PTPRK: variants seen among roughly 807,000 people sequenced by gnomAD.
PTPRK encodes the protein protein tyrosine phosphatase receptor type K, also known as receptor-type tyrosine-protein phosphatase kappa.
Under a neutral mutation model 178.0 loss-of-function variants are expected in PTPRK, and 75 were observed. That is an observed-to-expected ratio of 0.42 (90% CI 0.35 to 0.51). The LOEUF is 0.51. PTPRK is among the 20% of genes least tolerant of loss of function. PTPRK has a pLI of 0.02. For synonymous variants in PTPRK, 637 were observed against 620.6 expected, an observed-to-expected ratio of 1.03 and a Z score of -0.39; for missense variants, 1,441 against 1,797.8, an observed-to-expected ratio of 0.80 and a Z score of 3.59.
chr6:128,347,494 T>C (rs944957177), intron 2 of PTPRK, among the ~76,000 whole-genome samples: 2 of 152,148 alleles, frequency 1.3e-5, no homozygotes, highest in African/African-American at 4.8e-5. Flanking sequence ...TGTGATATGT[T>C]GATTTTTTTT....
At chr6:128,445,542 T>C (rs1846897169) in intron 1 of PTPRK, among the ~76,000 whole-genome samples, 1 of 150,832 alleles carries the variant, frequency 6.6e-6, no homozygotes, top group South Asian at 2.1e-4. Flanking sequence ...TATATATACT[T>C]ACATATATAC....
At chr6:128,483,375 C>T (rs1852354895) in intron 1 of PTPRK, among the ~76,000 whole-genome samples, 1 of 151,952 alleles carries the variant, frequency 6.6e-6, no homozygotes, top group African/African-American at 2.4e-5. Context: ...TTTACATCTG[C>T]TACTTTGTGT....
intron 1 of PTPRK, among the ~76,000 whole-genome samples, chr6:128,516,128 G>A (rs541537104): frequency 9.2e-5 from 14 of 152,282 alleles, no homozygotes; most frequent in Admixed American, 5.2e-4. Flanking sequence ...AAAAACAAAA[G>A]GGCTGTGATC....
chr6:128,302,164 G>A (rs113491764), intron 3 of PTPRK, among the ~76,000 whole-genome samples: 1,904 of 152,034 alleles, frequency 0.013, 38 homozygotes, highest in African/African-American at 0.044. Context: ...CGGGGTGGGC[G>A]GATCACGAGG....
At chr6:128,496,045 G>T (rs892838560) in intron 1 of PTPRK, among the ~76,000 whole-genome samples, 1 of 152,052 alleles carries the variant, frequency 6.6e-6, no homozygotes, top group African/African-American at 2.4e-5. Flanking sequence ...CCAAACTTAG[G>T]ATTACATATT....
At chr6:128,158,059 T>C (rs1043767723) in intron 7 of PTPRK, among the ~76,000 whole-genome samples, 4 of 152,046 alleles carry the variant, frequency 2.6e-5, no homozygotes, top group African/African-American at 7.2e-5. Context: ...CTAGGGTTTT[T>C]ATGGTTTTAG....
intron 1 of PTPRK, among the ~76,000 whole-genome samples, chr6:128,496,358 T>C (rs894349656): frequency 2.0e-5 from 3 of 152,214 alleles, no homozygotes; most frequent in East Asian, 1.9e-4. Flanking sequence ...AAGTAGAGAA[T>C]AGAGAATAAT....
chr6:127,987,221 T>C (rs1365460164), intron 21 of PTPRK, among the ~76,000 whole-genome samples: 2 of 151,068 alleles, frequency 1.3e-5, no homozygotes, highest in Non-Finnish European at 2.9e-5. Context: ...TGAATGATTT[T>C]CAAATATGTG....
rs368234113 is a variant in PTPRK at position 128,247,413 on chromosome 6, A to G, written c.496-4811T>C. Among the ~76,000 whole-genome samples, 6 of 152,218 alleles carry G rather than the reference A, an allele frequency of 3.9e-5. No individual in the cohort carries two copies. The East Asian group carries it at 1.2e-3, about 29-fold the overall frequency. ...GGGCTCACCCTAACCTCTGCCTCCC[A>G]GGTTCAAACAATTCTCGTGCTTCAG... On this transcript the variant is annotated intron_variant, in intron 3 of 29. Transcript: ENST00000368226.
intron 2 of PTPRK, among the ~76,000 whole-genome samples, chr6:128,366,507 T>C (rs561631753): frequency 2.0e-5 from 3 of 152,254 alleles, no homozygotes; most frequent in Non-Finnish European, 2.9e-5. Context: ...TACCAAGTAC[T>C]GGACTAAAGG....
At chr6:128,338,694 T>C (rs142879143) in intron 2 of PTPRK, among the ~76,000 whole-genome samples, 1,961 of 152,270 alleles carry the variant, frequency 0.013, 19 homozygotes, top group Non-Finnish European at 0.018. Flanking sequence ...GAAATCTTTA[T>C]GCTGCCTCCT....
At chr6:128,491,155 T>C (rs1400947132) in intron 1 of PTPRK, among the ~76,000 whole-genome samples, 1 of 152,196 alleles carries the variant, frequency 6.6e-6, no homozygotes, top group Non-Finnish European at 1.5e-5. Flanking sequence ...GGAAGTTCTA[T>C]ATAAATGCTT....
rs1803807746 is a variant in PTPRK at position 128,191,647 on chromosome 6, AT to A, written c.869-6923del. 2.6e-5 allele frequency among the ~76,000 whole-genome samples: 4 copies of A among 152,224 alleles called. No individual in the cohort carries two copies. The South Asian group carries it at 8.3e-4, about 32-fold the overall frequency. ...TTGATAATTATTTCAAATTGTATAC[AT>A]ATACCAAAAGACCACATTGTACAAC... On this transcript the variant is annotated intron_variant, in intron 6 of 29. Transcript: ENST00000368226.
intron 1 of PTPRK, among the ~76,000 whole-genome samples, chr6:128,469,169 C>T (rs57696205): frequency 2.6e-5 from 4 of 152,260 alleles, no homozygotes; most frequent in Middle Eastern, 6.8e-3. Flanking sequence ...TAAGGAAGTG[C>T]TTTCCTCCAT....
chr6:128,343,625 TA>T (rs562161116), intron 2 of PTPRK, among the ~76,000 whole-genome samples: 3 of 151,962 alleles, frequency 2.0e-5, no homozygotes, highest in Non-Finnish European at 4.4e-5. Context: ...TGCATTTAAA[TA>T]AAAAAAATTC....
chr6:127,991,091 C>T lies in PTPRK; in HGVS notation c.2979+203G>A, dbSNP rs533407283. On this transcript the variant is annotated intron_variant, in intron 20 of 29. Transcript: ENST00000368226. ...CTGATAATGCAGTTAGATTCCAGTA[C>T]AAAATTAAAGCTTATTTTATTACTC... 2.6e-4 allele frequency among the ~76,000 whole-genome samples: 39 copies of T among 151,888 alleles called. 2 individuals carry two copies. In the South Asian group the frequency reaches 7.7e-3, roughly 30 times the overall value.
At chr6:128,213,545 A>G (rs1346075506) in intron 6 of PTPRK, among the ~76,000 whole-genome samples, 1 of 152,060 alleles carries the variant, frequency 6.6e-6, no homozygotes, top group Non-Finnish European at 1.5e-5. Context: ...TGTCAAGATG[A>G]CCAGTTTTCA....
intron 3 of PTPRK, among the ~76,000 whole-genome samples, chr6:128,289,189 T>C (rs990283277): frequency 3.3e-5 from 5 of 152,130 alleles, no homozygotes; most frequent in Admixed American, 6.6e-5. Flanking sequence ...TTGAAAAGCA[T>C]ACCAGGTGAT....
chr6:128,326,505 T>C (rs573941763), intron 2 of PTPRK, among the ~76,000 whole-genome samples: 2 of 152,222 alleles, frequency 1.3e-5, no homozygotes, highest in East Asian at 3.9e-4. Flanking sequence ...ATCAATTTAA[T>C]GAACAATAAT....
Sources: gnomAD v4.1 joint callset for allele counts (sites outside exome capture counted in the v4.1 genomes callset) on GRCh38, gnomAD v4.1.1 for gene constraint, MANE v1.5 for transcripts, NCBI Gene and HGNC (gene_info 2026-07-23, HGNC 2026-07-21) for gene names.